The following DUSP15 variants were observed in gnomAD, a reference collection of about 807,000 sequenced individuals.
DUSP15 encodes the protein dual specificity phosphatase 15.
Under a neutral mutation model 26.3 loss-of-function variants are expected in DUSP15, and 23 were observed. The observed-to-expected ratio is 0.87, with a 90% CI of 0.63 to 1.24. The LOEUF (loss-of-function observed/expected upper bound fraction) is 1.24, where lower values mean the gene tolerates loss of function less well. Among genes scored for constraint, DUSP15 ranks in the 50% most tolerant of loss-of-function variants. DUSP15 has a pLI of 0.00. For missense variants in DUSP15, 364 were observed against 320.6 expected, an observed-to-expected ratio of 1.14 and a Z score of -1.03; for synonymous variants, 143 against 135.5, an observed-to-expected ratio of 1.06 and a Z score of -0.39.
chr20:31,861,738 G>GGGGGGGGCCCCC, intron 6 of DUSP15, 63 bp from the exon 7 acceptor site: 1 of 1,290,716 alleles, frequency 7.7e-7, no homozygotes, highest in Non-Finnish European at 1.0e-6. Context: ...AAGGCAGCCG[G>GGGGGGGGCCCCC]CCCCGCCCCC....
At chr20:31,849,509 ACT>A (rs1430575766) in intron 8 of DUSP15, 10 of 774,394 alleles carry the variant, frequency 1.3e-5, no homozygotes, top group Admixed American at 5.3e-5. Context: ...TTCCCACGCC[ACT>A]CTGTTCCACT....
At chr20:31,855,297 C>T (rs1019550440) in intron 6 of DUSP15, among the ~76,000 whole-genome samples, 1 of 152,136 alleles carries the variant, frequency 6.6e-6, no homozygotes, top group African/African-American at 2.4e-5. Flanking sequence ...CCTTTTTTGC[C>T]ATTCTGCGCA....
intron 6 of DUSP15, among the ~76,000 whole-genome samples, chr20:31,854,473 T>A (rs2062528051): frequency 6.6e-6 from 1 of 152,178 alleles, no homozygotes; most frequent in South Asian, 2.1e-4. Context: ...GAAGATGACG[T>A]GGGCACAGGG....
At position 31,863,895 on chromosome 20, in the gene DUSP15, C is replaced by T. The variant is rs767767560; in HGVS notation, c.263+12G>A. 13 of 1,613,062 alleles carry T rather than the reference C, an allele frequency of 8.1e-6. No individual in the cohort carries two copies. In the South Asian group the frequency reaches 8.8e-5, roughly 11 times the overall value. On this transcript the variant is annotated intron_variant, in intron 5 of 6. Coordinates refer to ENST00000339738, the MANE Select transcript of DUSP15 (RefSeq NM_080611.5). ...CTTCCTCCCCCACCTTATCCCCCTC[C>T]GCTTAACTCACCAGTGCACAAGGCA...
chr20:31,854,033 A>G (rs371446279), intron 6 of DUSP15, among the ~76,000 whole-genome samples: 28 of 152,304 alleles, frequency 1.8e-4, no homozygotes, highest in African/African-American at 6.7e-4. Flanking sequence ...GCAAAGGCAA[A>G]GGGCCTGCAG....
At chr20:31,863,794 A>G (rs1356940722) in intron 5 of DUSP15, 113 bp downstream of exon 5, 4 of 1,042,666 alleles carry the variant, frequency 3.8e-6, no homozygotes, top group Non-Finnish European at 4.3e-6. Context: ...GCACTGTGAC[A>G]GGCTGGAGAA....
At chr20:31,846,179 T>C (rs1310076931), downstream of DUSP15, among the ~76,000 whole-genome samples, 2 of 123,450 alleles carry the variant, frequency 1.6e-5, no homozygotes, top group Non-Finnish European at 3.4e-5. Flanking sequence ...CACACACACA[T>C]ATACACAGAG....
chr20:31,862,491 T>C, intron 6 of DUSP15, 80 bp downstream of exon 6: 19 of 1,481,758 alleles, frequency 1.3e-5, no homozygotes, highest in Non-Finnish European at 1.7e-5. Flanking sequence ...AGGCTAAAAA[T>C]GTTCCAATCA....
downstream of DUSP15, among the ~76,000 whole-genome samples, chr20:31,846,261 T>TACAC (rs1377687005): frequency 2.0e-5 from 2 of 100,794 alleles, no homozygotes; most frequent in South Asian, 6.7e-4. Flanking sequence ...CACAGAGACA[T>TACAC]ACACACACAG....
Position 31,863,933 on chromosome 20 carries a change from A to G in DUSP15, c.237T>C (p.Leu79=), listed in dbSNP as rs201190680. Residue 79 remains leucine (L), a synonymous_variant, in exon 5 of 7, where the codon CTT becomes CTC. Coordinates refer to ENST00000339738, the MANE Select transcript of DUSP15 (RefSeq NM_080611.5). Reference sequence around the variant, plus strand: ...AGTGCACAAGGCAGTTCCCCCCATTAAGGCGGCAGCAGTGGATGAAGTTGA... The same window carrying G: ...AGTGCACAAGGCAGTTCCCCCCATTGAGGCGGCAGCAGTGGATGAAGTTGA... ...ECINFIHCCR[L]NGGNCLVHCF... 1.9e-6 allele frequency: 3 copies of G among 1,612,956 alleles called. No individual in the cohort carries two copies. Among genetic ancestry groups the G allele is most frequent in the East Asian group, 4.5e-5 (2 of 44,732 alleles).
intron 4 of DUSP15, chr20:31,864,217 T>C: frequency 7.7e-7 from 1 of 1,306,306 alleles, no homozygotes; most frequent in Non-Finnish European, 9.8e-7. Context: ...AATCTCACCA[T>C]CTAGGCAGGA....
Position 31,861,691 on chromosome 20 carries a change from G to A in DUSP15, c.436-16C>T. On this transcript the variant is annotated splice_polypyrimidine_tract_variant and intron_variant, in intron 6 of 6. Coordinates refer to ENST00000339738, the MANE Select transcript of DUSP15 (RefSeq NM_080611.5). ...GCCGGCGAAGCTGGGGTGGGCGGGT[G>A]AGGTGGGCGGGGTCAAGGCCGGCGC... 1.8e-6 allele frequency: 2 copies of A among 1,100,252 alleles called. No individual in the cohort carries two copies. The highest frequency in any genetic ancestry group is 7.7e-5 in the East Asian group (2 of 25,838). The allele number at this position is 1,100,252 out of a possible 1,614,324, so 68.2% of individuals were successfully genotyped here. A position where few individuals can be genotyped will look rare whatever the true frequency, so the allele number is the denominator to read the frequency against.
downstream of DUSP15, chr20:31,845,613 G>A (rs2062370599): frequency 6.4e-7 from 1 of 1,560,182 alleles, no homozygotes; most frequent in Admixed American, 1.7e-5. Flanking sequence ...GTCCGGAATA[G>A]CCTGCCCAGG....
downstream of DUSP15, among the ~76,000 whole-genome samples, chr20:31,856,201 G>A (rs1347938465): frequency 6.6e-6 from 1 of 152,206 alleles, no homozygotes; most frequent in Non-Finnish European, 1.5e-5. Flanking sequence ...CATGTGCAAA[G>A]GTTTAACGGT....
At chr20:31,867,527 T>C (rs2039376714) in intron 2 of DUSP15, among the ~76,000 whole-genome samples, 1 of 152,120 alleles carries the variant, frequency 6.6e-6, no homozygotes, top group South Asian at 2.1e-4. Flanking sequence ...CAACCTGGTG[T>C]TCATTAAAAA....
rs117149736 is a variant in DUSP15, at chr20:31,868,300, G to A, written c.56-1147C>T. ...TCACAGAAATCAAGGTGGCATGAGC[G>A]GCTGAGGGAGCTCCCAGGAAGGAAG... On this transcript the variant is annotated intron_variant, in intron 2 of 6. Transcript: ENST00000339738. Among the ~76,000 whole-genome samples, 19 of 152,208 alleles carry A rather than the reference G, an allele frequency of 1.2e-4. No individual in the cohort carries two copies. In the East Asian group the frequency reaches 1.9e-3, roughly 15 times the overall value.
chr20:31,846,468 G>C (rs1188353863), downstream of DUSP15, among the ~76,000 whole-genome samples: 1 of 149,918 alleles, frequency 6.7e-6, no homozygotes, highest in African/African-American at 2.5e-5. Flanking sequence ...GAGAGAGAGA[G>C]AGAGAGAGGA....
At position 31,854,846 on chromosome 20, in the gene DUSP15, C is replaced by A. The variant is rs538812631; in HGVS notation, c.427-4170G>T. ...AACACTAAATTAGGGACTAAGGAAC[C>A]ATTGCTCCTAGGGGAAATACAGGGC... On this transcript the variant is annotated intron_variant, in intron 6 of 9. Transcript: ENST00000278979. Among the ~76,000 whole-genome samples the A allele has an allele frequency of 3.8e-4, 58 of 152,244 alleles. No homozygotes were observed. The Middle Eastern group carries it at 0.01, about 27-fold the overall frequency.
intron 3 of DUSP15, 141 bp from the exon 4 acceptor site, chr20:31,865,143 A>G (rs891544679): frequency 2.5e-5 from 22 of 879,286 alleles, no homozygotes; most frequent in Non-Finnish European, 3.9e-5. Flanking sequence ...GTCCAAAGAA[A>G]GTAGTTGTCA....
Sources: gnomAD v4.1 joint callset for allele counts (sites outside exome capture counted in the v4.1 genomes callset) on GRCh38, gnomAD v4.1.1 for gene constraint, MANE v1.5 for transcripts, NCBI Gene and HGNC (gene_info 2026-07-23, HGNC 2026-07-21) for gene names.